The following FAM241A variants were observed in gnomAD, a reference collection of about 807,000 sequenced individuals.
The protein encoded by FAM241A is uncharacterized protein FAM241A.
FAM241A carries 7 observed loss-of-function variants against 12.2 expected under a neutral mutation model. The ratio of observed to expected loss-of-function variants is 0.58; its 90% CI spans 0.33 to 1.08. The LOEUF is 1.08. Among genes scored for constraint, FAM241A ranks in the 50% least tolerant of loss-of-function variants. FAM241A has a pLI of 0.04. For missense variants in FAM241A, 161 were observed against 169.7 expected, an observed-to-expected ratio of 0.95 and a Z score of 0.29; for synonymous variants, 74 against 68.2, an observed-to-expected ratio of 1.08 and a Z score of -0.42.
At chr4:112,152,119 T>A (rs547035102) in intron 1 of FAM241A, among the ~76,000 whole-genome samples, 5 of 152,372 alleles carry the variant, frequency 3.3e-5, no homozygotes, top group Non-Finnish European at 7.3e-5. Context: ...GGAATAATTT[T>A]GCATTTGATA....
intron 1 of FAM241A, among the ~76,000 whole-genome samples, chr4:112,152,073 T>C (rs1723255085): frequency 6.6e-6 from 1 of 152,252 alleles, no homozygotes; most frequent in Non-Finnish European, 1.5e-5. Context: ...AATCTCATCT[T>C]GTTCCTAAGG....
intron 1 of FAM241A, among the ~76,000 whole-genome samples, chr4:112,164,365 T>C (rs1488321572): frequency 3.2e-4 from 45 of 140,918 alleles, no homozygotes; most frequent in East Asian, 2.0e-3. Flanking sequence ...AACCAAACAC[T>C]GCATGTTCTC....
At chr4:112,169,971 G>C (rs562074026) in intron 1 of FAM241A, among the ~76,000 whole-genome samples, 2 of 152,202 alleles carry the variant, frequency 1.3e-5, no homozygotes, top group East Asian at 3.9e-4. Flanking sequence ...TTTTCAAAAA[G>C]CCTTTTTTTG....
intron 1 of FAM241A, among the ~76,000 whole-genome samples, chr4:112,168,210 G>T (rs1220736628): frequency 6.6e-6 from 1 of 151,588 alleles, no homozygotes; most frequent in East Asian, 2.0e-4. Flanking sequence ...GTTTTTCAAA[G>T]AGTTTTTTCA....
At chr4:112,171,909 AG>A (rs1390228380) in intron 1 of FAM241A, among the ~76,000 whole-genome samples, 1 of 152,204 alleles carries the variant, frequency 6.6e-6, no homozygotes, top group Non-Finnish European at 1.5e-5. Context: ...ATTCAAAAAA[AG>A]TATTATTTTT....
intron 1 of FAM241A, among the ~76,000 whole-genome samples, chr4:112,152,709 C>A: frequency 6.6e-6 from 1 of 152,162 alleles, no homozygotes; most frequent in East Asian, 1.9e-4. Context: ...TCCCCTACCT[C>A]TTCCACTTCA....
intron 1 of FAM241A, among the ~76,000 whole-genome samples, chr4:112,181,040 C>T (rs1723932885): frequency 6.6e-6 from 1 of 152,140 alleles, no homozygotes; most frequent in African/African-American, 2.4e-5. Flanking sequence ...TTTCAAAAGA[C>T]ATGCAAAAGT....
At chr4:112,172,944 G>A (rs1010290968) in intron 1 of FAM241A, among the ~76,000 whole-genome samples, 8 of 152,192 alleles carry the variant, frequency 5.3e-5, no homozygotes, top group African/African-American at 1.9e-4. Flanking sequence ...CTGGAGTGCA[G>A]TGGTGCGATC....
intron 1 of FAM241A, among the ~76,000 whole-genome samples, chr4:112,153,280 TCA>T (rs1210651087): frequency 6.6e-6 from 1 of 152,170 alleles, no homozygotes; most frequent in East Asian, 1.9e-4. Flanking sequence ...CAAACTATTC[TCA>T]GTTTCCTATT....
intron 1 of FAM241A, among the ~76,000 whole-genome samples, chr4:112,185,652 G>C (rs946832700): frequency 6.6e-6 from 1 of 152,144 alleles, no homozygotes; most frequent in African/African-American, 2.4e-5. Context: ...TGCTTGCCTG[G>C]TACTGATTTC....
At chr4:112,170,971 G>T (rs1252218903) in intron 1 of FAM241A, among the ~76,000 whole-genome samples, 1 of 151,510 alleles carries the variant, frequency 6.6e-6, no homozygotes, top group East Asian at 1.9e-4. Flanking sequence ...TTCTTCTGGG[G>T]GTAGGAATGG....
At chr4:112,149,200 T>A (rs775375662) in intron 1 of FAM241A, among the ~76,000 whole-genome samples, 5 of 152,040 alleles carry the variant, frequency 3.3e-5, no homozygotes, top group Non-Finnish European at 7.4e-5. Context: ...GAGATAGGGT[T>A]TTGCTATGTT....
At position 112,187,015 on chromosome 4, in the gene FAM241A, C is replaced by A; in HGVS notation, c.*77C>A. The A allele has an allele frequency of 2.0e-6, 3 of 1,507,778 alleles. No individual in the cohort carries two copies. Among genetic ancestry groups the A allele is most frequent in the Non-Finnish European group, 2.7e-6 (3 of 1,122,436 alleles). The allele number at this position is 1,507,778 out of a possible 1,614,324, so 93.4% of individuals were successfully genotyped here. On this transcript the variant is annotated 3_prime_UTR_variant, in exon 2 of 2. Coordinates refer to ENST00000309733, the MANE Select transcript of FAM241A (RefSeq NM_152400.3). ...AGAAGTTATATATTTCACTTTTTGA[C>A]AACCGAAAAAGTTTGCCTTGTTTCA...
At chr4:112,175,050 G>C (rs1161601139) in intron 1 of FAM241A, among the ~76,000 whole-genome samples, 1 of 152,086 alleles carries the variant, frequency 6.6e-6, no homozygotes, top group Non-Finnish European at 1.5e-5. Context: ...CTAGCAGATG[G>C]GTGAATTCTG....
chr4:112,162,749 G>C (rs1462427399), intron 1 of FAM241A, among the ~76,000 whole-genome samples: 3 of 152,140 alleles, frequency 2.0e-5, no homozygotes, highest in Non-Finnish European at 4.4e-5. Context: ...GTAATTTATA[G>C]ATTCAGTGCC....
At chr4:112,151,863 G>A (rs1197114295) in intron 1 of FAM241A, among the ~76,000 whole-genome samples, 1 of 152,030 alleles carries the variant, frequency 6.6e-6, no homozygotes, top group African/African-American at 2.4e-5. Context: ...AGTGTTTTTT[G>A]TTTGTTTGTT....
At chr4:112,159,653 C>T (rs1276379434) in intron 1 of FAM241A, among the ~76,000 whole-genome samples, 1 of 152,066 alleles carries the variant, frequency 6.6e-6, no homozygotes. Context: ...TGTGATGTAT[C>T]AACAGAATGA....
chr4:112,182,854 A>T (rs891447904), intron 1 of FAM241A, among the ~76,000 whole-genome samples: 3 of 152,142 alleles, frequency 2.0e-5, no homozygotes, highest in African/African-American at 7.2e-5. Context: ...TATCCTTTAG[A>T]ACTGTGTTAT....
At chr4:112,179,914 G>GACATATATATAT (rs1479640205) in intron 1 of FAM241A, among the ~76,000 whole-genome samples, 1,207 of 117,692 alleles carry the variant, frequency 0.01, 36 homozygotes, top group East Asian at 0.021. Context: ...AAGAAAATGT[G>GACATATATATAT]ATATATATAT....
Sources: allele counts gnomAD v4.1 joint callset (sites outside exome capture counted in the v4.1 genomes callset), GRCh38; gene constraint gnomAD v4.1.1; transcripts MANE v1.5; gene names NCBI Gene and HGNC (gene_info 2026-07-23, HGNC 2026-07-21).